Variants in PRMT8 observed in about 807,000 individuals in gnomAD.
PRMT8 encodes protein arginine methyltransferase 8.
A neutral mutation model predicts 47.1 loss-of-function variants in PRMT8; 7 were observed. The ratio of observed to expected loss-of-function variants is 0.15; its 90% CI spans 0.08 to 0.28. The LOEUF is 0.28. Among genes scored for constraint, PRMT8 ranks in the 10% least tolerant of loss-of-function variants. The probability of loss-of-function intolerance (pLI) is 1.00; values close to 1 mark genes in which losing one functional copy is unlikely to be tolerated. For synonymous variants in PRMT8, 188 were observed against 186.5 expected (o/e 1.01, Z -0.07); for missense variants, 237 against 505.4 (o/e 0.47, Z 5.09).
In PRMT8 at chr12:3,560,849, C is replaced by G. The variant is rs189520503; in HGVS notation, c.481+7135C>G. Among the ~76,000 whole-genome samples the G allele has an allele frequency of 1.4e-4, 21 of 152,278 alleles. No individual in the cohort carries two copies. The East Asian group carries it at 3.7e-3, about 27-fold the overall frequency. ...CCCCTTCTGAGCCTCTATTTGCCCC[C>G]TTTAGAGGAGATAGGCCAGTGCACA... On this transcript the variant is annotated intron_variant, in intron 4 of 9. Transcript: ENST00000382622.
At chr12:3,523,089 T>C (rs574986070) in intron 1 of PRMT8, among the ~76,000 whole-genome samples, 14 of 152,054 alleles carry the variant, frequency 9.2e-5, no homozygotes, top group African/African-American at 3.4e-4. Context: ...GCCTGCCAAG[T>C]CTTACAGTGT....
intron 1 of PRMT8, among the ~76,000 whole-genome samples, chr12:3,465,341 C>T (rs1012450728): frequency 1.4e-5 from 2 of 147,372 alleles, no homozygotes; most frequent in Non-Finnish European, 3.0e-5. Context: ...AAAATAAACC[C>T]GACTCCTCTC....
intron 1 of PRMT8, among the ~76,000 whole-genome samples, chr12:3,464,270 TA>T (rs372550984): frequency 6.2e-5 from 8 of 129,386 alleles, no homozygotes; most frequent in African/African-American, 1.7e-4. Context: ...TGAATCCTGG[TA>T]AAAAAAAAAA....
chr12:3,383,522 A>C (rs1193341245), intron 1 of PRMT8, among the ~76,000 whole-genome samples: 2 of 152,218 alleles, frequency 1.3e-5, no homozygotes, highest in African/African-American at 2.4e-5. Context: ...TTAGGTCATG[A>C]GGGCAGAGCC....
At chr12:3,582,871 T>C (rs1240384731) in intron 7 of PRMT8, among the ~76,000 whole-genome samples, 187 bp from the exon 8 acceptor site, 1 of 151,996 alleles carries the variant, frequency 6.6e-6, no homozygotes, top group Non-Finnish European at 1.5e-5. Context: ...TTGAGCACAC[T>C]CCACCCTAGA....
chr12:3,491,731 A>C, intron 1 of PRMT8, 31 bp downstream of exon 1: 2 of 1,585,190 alleles, frequency 1.3e-6, no homozygotes, highest in Non-Finnish European at 1.7e-6. Flanking sequence ...GGGCTCTCGG[A>C]GACCCCGCCG....
chr12:3,442,401 T>C (rs576013285), intron 1 of PRMT8, among the ~76,000 whole-genome samples: 34 of 151,666 alleles, frequency 2.2e-4, no homozygotes, highest in African/African-American at 8.2e-4. Context: ...GAACTCTGTG[T>C]AGGGAGGCAG....
chr12:3,553,945 T>G (rs1866476133), intron 4 of PRMT8, among the ~76,000 whole-genome samples: 1 of 152,156 alleles, frequency 6.6e-6, no homozygotes, highest in African/African-American at 2.4e-5. Context: ...AAGCCCTGCT[T>G]GTAGCTAAAT....
chr12:3,474,450 T>G (rs1865189712), intron 1 of PRMT8, among the ~76,000 whole-genome samples: 1 of 152,094 alleles, frequency 6.6e-6, no homozygotes, highest in Admixed American at 6.5e-5. Flanking sequence ...TGGTTTCTGC[T>G]CCCAGCCCAT....
intron 1 of PRMT8, among the ~76,000 whole-genome samples, chr12:3,388,860 T>C (rs1426244220): frequency 6.6e-6 from 1 of 152,220 alleles, no homozygotes; most frequent in Non-Finnish European, 1.5e-5. Flanking sequence ...GTCTCTTCCC[T>C]CTTATTTCCC....
chr12:3,463,857 A>C (rs1591557405), intron 1 of PRMT8, among the ~76,000 whole-genome samples: 1 of 152,158 alleles, frequency 6.6e-6, no homozygotes, highest in Non-Finnish European at 1.5e-5. Flanking sequence ...TGATCCCTAT[A>C]CTCCTGGGAG....
At chr12:3,553,317 T>C (rs1866461457) in intron 3 of PRMT8, 2 of 369,208 alleles carry the variant, frequency 5.4e-6, no homozygotes, top group African/African-American at 2.1e-5. Context: ...TCCCCCACGG[T>C]GGGGAGGACG....
chr12:3,475,244 G>T (rs1172696694), intron 1 of PRMT8, among the ~76,000 whole-genome samples: 2 of 152,172 alleles, frequency 1.3e-5, no homozygotes, highest in Non-Finnish European at 2.9e-5. Flanking sequence ...TGAAGGAGAG[G>T]GGGACATTGT....
Position 3,442,593 on chromosome 12 carries a change from G to A in PRMT8, c.48+61151G>A, listed in dbSNP as rs189790885. 2.7e-3 allele frequency among the ~76,000 whole-genome samples: 405 copies of A among 152,300 alleles called. 2 individuals are homozygous for A. The highest frequency in any genetic ancestry group is 9.2e-3 in the African/African-American group (383 of 41,558). ...GGGGTACCAGGGCTTGGCCTGGAAC[G>A]GGTATGAGGCTAGGGAGCCCAGGCC... On this transcript the variant is annotated intron_variant, in intron 1 of 9. Transcript: ENST00000452611.
chr12:3,496,535 C>T (rs1343026991), intron 1 of PRMT8, among the ~76,000 whole-genome samples: 3 of 151,886 alleles, frequency 2.0e-5, no homozygotes, highest in Non-Finnish European at 4.4e-5. Flanking sequence ...AGAGTGTGTA[C>T]ACTAACTAGT....
chr12:3,408,891 G>T (rs755275355), intron 1 of PRMT8, among the ~76,000 whole-genome samples: 1 of 152,198 alleles, frequency 6.6e-6, no homozygotes, highest in Non-Finnish European at 1.5e-5. Flanking sequence ...AGAAGTTTGT[G>T]GCAGCAGTGT....
chr12:3,565,182 C>T (rs1866699016), intron 4 of PRMT8, among the ~76,000 whole-genome samples: 1 of 152,152 alleles, frequency 6.6e-6, no homozygotes, highest in Non-Finnish European at 1.5e-5. Context: ...GAATGCCTTA[C>T]ACATAACAAG....
intron 1 of PRMT8, among the ~76,000 whole-genome samples, chr12:3,388,836 A>G (rs1054949252): frequency 5.3e-5 from 8 of 152,168 alleles, no homozygotes; most frequent in African/African-American, 1.7e-4. Context: ...GACACAATTT[A>G]TTTCGTCTCT....
chr12:3,516,768 C>G (rs949242302), intron 1 of PRMT8, among the ~76,000 whole-genome samples: 1 of 152,094 alleles, frequency 6.6e-6, no homozygotes. Context: ...CTTCGATAGC[C>G]GATGCTTGTT....
Sources: gnomAD v4.1 joint callset for allele counts (sites outside exome capture counted in the v4.1 genomes callset) on GRCh38, gnomAD v4.1.1 for gene constraint, MANE v1.5 for transcripts, NCBI Gene and HGNC (gene_info 2026-07-23, HGNC 2026-07-21) for gene names.